The following AFF3 variants were observed in gnomAD, a reference collection of about 807,000 sequenced individuals.
The protein encoded by AFF3 is ALF transcription elongation factor 3.
AFF3 carries 32 observed loss-of-function variants against 129.7 expected under a neutral mutation model. That is an observed-to-expected ratio of 0.25 (90% CI 0.19 to 0.33). AFF3 has a LOEUF of 0.33. Ranked by LOEUF, AFF3 falls within the 10% of genes least tolerant of loss-of-function variation. AFF3 has a pLI of 1.00. For synonymous variants in AFF3, 644 were observed against 635.4 expected (o/e 1.01, Z -0.20); for missense variants, 1,373 against 1,592.0 (o/e 0.86, Z 2.34).
chr2:100,088,920 C>T (rs144969977), intron 4 of AFF3, among the ~76,000 whole-genome samples: 1,896 of 152,326 alleles, frequency 0.012, 42 homozygotes, highest in African/African-American at 0.043. Context: ...TTAGAATAAA[C>T]ACAGAAGTGG....
chr2:99,684,244 A>C (rs563758970), intron 11 of AFF3, among the ~76,000 whole-genome samples: 1 of 152,312 alleles, frequency 6.6e-6, no homozygotes, highest in South Asian at 2.1e-4. Flanking sequence ...GGGGTCATTT[A>C]AGACTCATCA....
At chr2:100,125,729 G>C (rs971440763) in intron 2 of AFF3, among the ~76,000 whole-genome samples, 2 of 152,176 alleles carry the variant, frequency 1.3e-5, no homozygotes, top group African/African-American at 4.8e-5. Context: ...AACTCTGGAG[G>C]AGGAGCCAGC....
intron 4 of AFF3, among the ~76,000 whole-genome samples, chr2:100,018,012 A>ATGTGTGTG (rs754696123): frequency 6.7e-5 from 10 of 148,210 alleles, no homozygotes; most frequent in East Asian, 5.9e-4. Flanking sequence ...CTTGGTTGAT[A>ATGTGTGTG]TGTGTGTGTG....
intron 8 of AFF3, among the ~76,000 whole-genome samples, chr2:99,798,534 A>G (rs1685707484): frequency 6.6e-6 from 1 of 151,968 alleles, no homozygotes; most frequent in Non-Finnish European, 1.5e-5. Flanking sequence ...GCATTAAAAG[A>G]TCAAGACCCA....
At chr2:99,882,603 G>A (rs1015584382) in intron 7 of AFF3, among the ~76,000 whole-genome samples, 3 of 152,202 alleles carry the variant, frequency 2.0e-5, no homozygotes, top group African/African-American at 7.2e-5. Flanking sequence ...TCTCTTGGAA[G>A]GTCTGGCTGA....
At chr2:99,992,309 C>A (rs1484914063) in intron 7 of AFF3, among the ~76,000 whole-genome samples, 2 of 151,890 alleles carry the variant, frequency 1.3e-5, no homozygotes, top group African/African-American at 4.8e-5. Flanking sequence ...AATGTGGTCA[C>A]CAGAGAAATC....
chr2:99,772,911 C>T (rs1683606545), intron 8 of AFF3, among the ~76,000 whole-genome samples: 1 of 152,222 alleles, frequency 6.6e-6, no homozygotes, highest in Non-Finnish European at 1.5e-5. Context: ...GATCCAAGTT[C>T]TCAGCCTTGT....
At chr2:100,075,869 T>C (rs1327962877) in intron 4 of AFF3, among the ~76,000 whole-genome samples, 1 of 152,160 alleles carries the variant, frequency 6.6e-6, no homozygotes, top group Non-Finnish European at 1.5e-5. Context: ...CATAGTGCTG[T>C]CCAAATGCTT....
intron 7 of AFF3, among the ~76,000 whole-genome samples, chr2:99,920,729 C>A (rs1040824455): frequency 4.6e-5 from 7 of 151,722 alleles, no homozygotes; most frequent in African/African-American, 1.7e-4. Flanking sequence ...AAAAGGTGTA[C>A]AGATTGGAAA....
intron 4 of AFF3, among the ~76,000 whole-genome samples, chr2:100,031,178 A>T (rs1684459200): frequency 6.6e-6 from 1 of 152,248 alleles, no homozygotes; most frequent in Non-Finnish European, 1.5e-5. Flanking sequence ...TCTAGTTGAT[A>T]AAGCTGTTTC....
intron 7 of AFF3, among the ~76,000 whole-genome samples, chr2:99,983,771 A>G (rs1304471905): frequency 6.6e-6 from 1 of 152,226 alleles, no homozygotes; most frequent in African/African-American, 2.4e-5. Flanking sequence ...TCAAAAGAAG[A>G]AAGAGGATAA....
At position 99,901,596 on chromosome 2, in the gene AFF3, T is replaced by C. The variant is rs1694346655; in HGVS notation, c.874-64072A>G. Among the ~76,000 whole-genome samples, 3 of 152,130 alleles carry C rather than the reference T, an allele frequency of 2.0e-5. No individual in the cohort carries two copies. The South Asian group carries it at 6.2e-4, about 32-fold the overall frequency. ...AACTGGGAATCTGGGGCTTAGCCTC[T>C]CCTCCCTCCTCATTTCACCCCCATC... On this transcript the variant is annotated intron_variant, in intron 7 of 24. Coordinates refer to ENST00000672756, the MANE Select transcript of AFF3 (RefSeq NM_001386135.1).
At chr2:99,707,616 G>A in intron 11 of AFF3, 1 of 984,178 alleles carries the variant, frequency 1.0e-6, no homozygotes, top group South Asian at 4.7e-5. Context: ...TTTTAACAAA[G>A]TTCCAAAGCT....
chr2:100,038,873 C>G (rs904034137), intron 4 of AFF3, among the ~76,000 whole-genome samples: 1 of 151,956 alleles, frequency 6.6e-6, no homozygotes, highest in Non-Finnish European at 1.5e-5. Context: ...CAGGTGCCCA[C>G]GACCACGCCC....
chr2:99,623,791 G>A (rs1340699299), intron 13 of AFF3, among the ~76,000 whole-genome samples: 6 of 152,186 alleles, frequency 3.9e-5, no homozygotes, highest in African/African-American at 7.2e-5. Flanking sequence ...GCCCTCCTGG[G>A]GTGCTGGGTA....
chr2:99,807,730 G>A (rs1306186605), intron 8 of AFF3, among the ~76,000 whole-genome samples: 2 of 152,182 alleles, frequency 1.3e-5, no homozygotes, highest in Admixed American at 6.5e-5. Context: ...GGGGGACCAG[G>A]CACAGTTCCT....
intron 8 of AFF3, among the ~76,000 whole-genome samples, chr2:99,771,200 T>C (rs1683448802): frequency 1.3e-5 from 2 of 150,006 alleles, no homozygotes; most frequent in African/African-American, 4.9e-5. Flanking sequence ...TAAGTGGGAG[T>C]TGAACAATGA....
At position 99,846,255 on chromosome 2, in the gene AFF3, G is replaced by A. The variant is rs376181327; in HGVS notation, c.874-8731C>T. ...AGTGATTCTCCTGTCCCAGCCTCCC[G>A]AGTAGCTGGGATTATAGGCACCCAC... On this transcript the variant is annotated intron_variant, in intron 7 of 24. Transcript: ENST00000672756. 1.4e-3 allele frequency among the ~76,000 whole-genome samples: 207 copies of A among 152,158 alleles called. 1 individual carries two copies. Among genetic ancestry groups the A allele is most frequent in the African/African-American group, 4.5e-3 (185 of 41,518 alleles).
chr2:100,115,800 T>G (rs575477127), intron 2 of AFF3, among the ~76,000 whole-genome samples: 1 of 152,282 alleles, frequency 6.6e-6, no homozygotes, highest in South Asian at 2.1e-4. Context: ...TTTTGTTTCT[T>G]TCAGTCTGGA....
Sources: gnomAD v4.1 joint callset for allele counts (sites outside exome capture counted in the v4.1 genomes callset) on GRCh38, gnomAD v4.1.1 for gene constraint, MANE v1.5 for transcripts, NCBI Gene and HGNC (gene_info 2026-07-23, HGNC 2026-07-21) for gene names.